Variants in RGS6 observed in about 807,000 individuals in gnomAD.
RGS6 encodes regulator of G-protein signaling 6.
A neutral mutation model predicts 78.5 loss-of-function variants in RGS6; 30 were observed. The ratio of observed to expected loss-of-function variants is 0.38; its 90% CI spans 0.29 to 0.52. The LOEUF is 0.52. Ranked by LOEUF, RGS6 falls within the 20% of genes least tolerant of loss-of-function variation. The pLI, the probability that RGS6 is intolerant of heterozygous loss-of-function variation, is 0.85. For missense variants in RGS6, 495 were observed against 609.7 expected, an observed-to-expected ratio of 0.81 and a Z score of 1.98; for synonymous variants, 206 against 206.0, an observed-to-expected ratio of 1.00 and a Z score of 0.00.
At chr14:72,004,855 CATAAA>C (rs1382493901) in intron 2 of RGS6, among the ~76,000 whole-genome samples, 8 of 149,268 alleles carry the variant, frequency 5.4e-5, no homozygotes, top group African/African-American at 1.8e-4. Context: ...ATAAAACAAA[CATAAA>C]AGAAGGCATT....
chr14:72,282,415 T>C (rs935489325), intron 2 of RGS6, among the ~76,000 whole-genome samples: 1 of 152,172 alleles, frequency 6.6e-6, no homozygotes, highest in Non-Finnish European at 1.5e-5. Flanking sequence ...AATCCCTTAA[T>C]ATCTGACTCT....
chr14:72,423,308 T>C (rs2153114424), intron 3 of RGS6, among the ~76,000 whole-genome samples: 1 of 152,324 alleles, frequency 6.6e-6, no homozygotes, highest in Middle Eastern at 3.4e-3. Flanking sequence ...ATGTCATGTT[T>C]ACCTGGCCCT....
At chr14:71,891,280 G>T in the RGS6 span, among the ~76,000 whole-genome samples, 1 of 152,174 alleles carries the variant, frequency 6.6e-6, no homozygotes, top group African/African-American at 2.4e-5. Context: ...TTCTCACTGG[G>T]TGCCTCTCCC....
chr14:72,146,321 C>A (rs2096606825), intron 2 of RGS6, among the ~76,000 whole-genome samples: 1 of 152,210 alleles, frequency 6.6e-6, no homozygotes, highest in South Asian at 2.1e-4. Flanking sequence ...AGGACACATT[C>A]AAATCATAGC....
chr14:72,336,859 C>G (rs949201848), intron 2 of RGS6, among the ~76,000 whole-genome samples: 3 of 151,962 alleles, frequency 2.0e-5, no homozygotes, highest in Admixed American at 2.0e-4. Flanking sequence ...GATGACTTTG[C>G]CCCCTGTGTT....
chr14:72,367,977 A>G (rs1324094731), intron 3 of RGS6, among the ~76,000 whole-genome samples: 1 of 152,154 alleles, frequency 6.6e-6, no homozygotes, highest in Non-Finnish European at 1.5e-5. Flanking sequence ...ACTTTTTCTC[A>G]CGATGTTCTA....
chr14:72,523,975 C>T (rs1434318491), intron 15 of RGS6, among the ~76,000 whole-genome samples: 1 of 152,142 alleles, frequency 6.6e-6, no homozygotes, highest in Non-Finnish European at 1.5e-5. Context: ...TTAGTTTCCT[C>T]ATCTGGGTGA....
chr14:72,619,757 A>C, the RGS6 span: 1 of 797,740 alleles, frequency 1.3e-6, no homozygotes, highest in South Asian at 2.4e-5. Flanking sequence ...CGTCGTACCT[A>C]CCTTGTGGGG....
chr14:72,243,370 C>A (rs868116109), intron 2 of RGS6, among the ~76,000 whole-genome samples: 3 of 152,254 alleles, frequency 2.0e-5, no homozygotes, highest in African/African-American at 7.2e-5. Flanking sequence ...TGTCGCCACC[C>A]TTGATTTGAA....
At position 72,474,649 on chromosome 14, in the gene RGS6, A is replaced by G; in HGVS notation, c.643A>G (p.Met215Val). The G allele has an allele frequency of 6.2e-7, 1 of 1,613,760 alleles. No homozygotes were observed. ...GCCAGGCTGTGTGAACACAACAGAA[A>G]TGGATATCCGAAAATGTCGACGTTT... The part of the protein sequence containing the change: ...PVPGCVNTTE[M>V]DIRKCRRLKN... Residue 215 changes from methionine to valine, a missense_variant, in exon 10 of 18, where the codon ATG (methionine) becomes GTG (valine). Transcript: ENST00000553525.
At chr14:72,284,130 A>G (rs2062061597) in intron 2 of RGS6, among the ~76,000 whole-genome samples, 1 of 152,226 alleles carries the variant, frequency 6.6e-6, no homozygotes, top group Non-Finnish European at 1.5e-5. Flanking sequence ...TGCTGTTAAA[A>G]GCATTCAGTT....
intron 6 of RGS6, among the ~76,000 whole-genome samples, chr14:72,463,410 C>A (rs910637777): frequency 2.0e-5 from 3 of 152,202 alleles, no homozygotes; most frequent in Admixed American, 1.3e-4. Context: ...ATCCCACCTT[C>A]CTCATTGTGG....
chr14:72,292,268 C>A (rs1177662404), intron 2 of RGS6, among the ~76,000 whole-genome samples: 1 of 152,202 alleles, frequency 6.6e-6, no homozygotes, highest in Non-Finnish European at 1.5e-5. Flanking sequence ...TTGTTCTCCT[C>A]CCCTCTCTTC....
chr14:71,874,301 G>C, the RGS6 span, among the ~76,000 whole-genome samples: 2 of 151,826 alleles, frequency 1.3e-5, no homozygotes, highest in East Asian at 1.9e-4. Flanking sequence ...ATTTGTTTGT[G>C]TCCTTTTTTA....
At chr14:72,381,231 C>T (rs1258510464) in intron 3 of RGS6, among the ~76,000 whole-genome samples, 1 of 151,958 alleles carries the variant, frequency 6.6e-6, no homozygotes, top group South Asian at 2.1e-4. Flanking sequence ...TTCTAGTGCT[C>T]TATAGCACTG....
chr14:71,926,585 GAAAAAAAAAA>G, the RGS6 span, among the ~76,000 whole-genome samples: 2 of 51,262 alleles, frequency 3.9e-5, no homozygotes, highest in African/African-American at 7.6e-5. Context: ...CTCTGTCTCA[GAAAAAAAAAA>G]AAAAAAAAAG....
At chr14:72,609,222 A>C in the RGS6 span, among the ~76,000 whole-genome samples, 11 of 152,172 alleles carry the variant, frequency 7.2e-5, no homozygotes, top group South Asian at 2.1e-4. Flanking sequence ...GGTCCCAAAG[A>C]AGAAGGCTGC....
chr14:72,434,463 A>G (rs951382833), intron 3 of RGS6, among the ~76,000 whole-genome samples: 1 of 152,182 alleles, frequency 6.6e-6, no homozygotes, highest in African/African-American at 2.4e-5. Context: ...CTGAAAATAT[A>G]TCTTCTGTAG....
At chr14:71,912,836 A>T in the RGS6 span, among the ~76,000 whole-genome samples, 509 of 149,800 alleles carry the variant, frequency 3.4e-3, 9 homozygotes, top group African/African-American at 0.012. Flanking sequence ...TTTTTTTTTT[A>T]TTTTTTGAGA....
Sources: gnomAD v4.1 joint callset for allele counts (sites outside exome capture counted in the v4.1 genomes callset) on GRCh38, gnomAD v4.1.1 for gene constraint, MANE v1.5 for transcripts, NCBI Gene and HGNC (gene_info 2026-07-23, HGNC 2026-07-21) for gene names.